CANX: variants seen among roughly 807,000 people sequenced by gnomAD.
CANX encodes epididymis secretory sperm binding protein.
In CANX, 14 loss-of-function variants were observed where a neutral mutation model predicts 75.7. The observed-to-expected ratio is 0.19, with a 90% CI of 0.12 to 0.29. The LOEUF (loss-of-function observed/expected upper bound fraction) is 0.29. CANX is among the 10% of genes least tolerant of loss of function. CANX has a pLI of 1.00. For missense variants in CANX, 567 were observed against 713.2 expected, an observed-to-expected ratio of 0.79 and a Z score of 2.34; for synonymous variants, 227 against 236.9, an observed-to-expected ratio of 0.96 and a Z score of 0.38.
At chr5:179,708,945 C>A in intron 5 of CANX, 33 bp from the exon 6 acceptor site, 2 of 1,070,830 alleles carry the variant, frequency 1.9e-6, no homozygotes, top group South Asian at 1.3e-5. Flanking sequence ...TTCAAAATGC[C>A]ATACAGTTTT....
At position 179,729,434 on chromosome 5, in the gene CANX, G is replaced by A. The variant is rs552400468; in HGVS notation, c.*790G>A. 1 of 153,164 alleles carries A rather than the reference G, an allele frequency of 6.5e-6. No homozygotes were observed. The highest frequency in any genetic ancestry group is 2.4e-5 in the African/African-American group (1 of 41,542). The allele number at this position is 153,164 out of a possible 1,614,324, so 9.5% of individuals were successfully genotyped here. A position where few individuals can be genotyped will look rare whatever the true frequency, so the allele number is the denominator to read the frequency against. On this transcript the variant is annotated 3_prime_UTR_variant, in exon 15 of 15. Coordinates refer to ENST00000247461, the MANE Select transcript of CANX (RefSeq NM_001746.4). Reference sequence around the variant, plus strand: ...CAGGCTGTGGCCTTCTGGAGCAGGTGGCTTGTTAAGGAATGCTAGCAGGGC... The same window carrying A: ...CAGGCTGTGGCCTTCTGGAGCAGGTAGCTTGTTAAGGAATGCTAGCAGGGC...
At chr5:179,688,269 G>C (rs1776227240) in intron 1 of CANX, among the ~76,000 whole-genome samples, 1 of 151,126 alleles carries the variant, frequency 6.6e-6, no homozygotes, top group African/African-American at 2.4e-5. Context: ...TGGCCAGGAT[G>C]GTCTTGATCT....
chr5:179,722,200 C>T (rs1778356513), intron 10 of CANX, among the ~76,000 whole-genome samples: 1 of 152,166 alleles, frequency 6.6e-6, no homozygotes, highest in Non-Finnish European at 1.5e-5. Context: ...TATGGTGGCA[C>T]ACACCTGTAG....
rs71591440 is a variant in CANX, at chr5:179,710,707, C to CAAA, written c.721+656_721+658dup. ...TAGGAGACAGAGCAAGACTCCATCT[C>CAAA]AAAAAAAAAAAAAAAAGATTGTATA... On this transcript the variant is annotated intron_variant, in intron 7 of 14. Coordinates refer to ENST00000247461, the MANE Select transcript of CANX (RefSeq NM_001746.4). Among the ~76,000 whole-genome samples, 29 of 27,374 alleles carry CAAA rather than the reference C, an allele frequency of 1.1e-3. 4 individuals carry two copies. Among genetic ancestry groups the CAAA allele is most frequent in the South Asian group, 8.1e-3 (4 of 492 alleles). 18.0% of individuals were successfully genotyped at this position (27,374 alleles called of 152,430 possible). A position where few individuals can be genotyped will look rare whatever the true frequency, so the allele number is the denominator to read the frequency against.
intron 7 of CANX, chr5:179,715,828 T>TG: frequency 2.2e-6 from 1 of 446,224 alleles, no homozygotes. Context: ...TTTTTTGTTT[T>TG]TTTTTTTTAG....
chr5:179,714,883 G>T (rs1692867973), intron 7 of CANX, among the ~76,000 whole-genome samples: 1 of 151,974 alleles, frequency 6.6e-6, no homozygotes, highest in East Asian at 1.9e-4. Context: ...TTGTGCCTTA[G>T]CCTCCCAAGT....
chr5:179,689,404 T>TTTTTTTG (rs1776259364), intron 1 of CANX, among the ~76,000 whole-genome samples: 1 of 147,816 alleles, frequency 6.8e-6, no homozygotes, highest in Non-Finnish European at 1.5e-5. Context: ...TTTTTTTTTT[T>TTTTTTTG]GAGACAGAGT....
chr5:179,698,995 G>T lies in CANX; in HGVS notation c.-111G>T. The T allele has an allele frequency of 8.9e-7, 1 of 1,122,854 alleles. No individual in the cohort carries two copies. The highest frequency in any genetic ancestry group is 1.1e-6 in the Non-Finnish European group (1 of 911,146). The allele number at this position is 1,122,854 out of a possible 1,614,324, so 69.6% of individuals were successfully genotyped here. A position where few individuals can be genotyped will look rare whatever the true frequency, so the allele number is the denominator to read the frequency against. ...GGTGGCCGAGGCCTCTTGGTTCTGC[G>T]GCACGTGACGGTCGGGCCGCCTCCG... On this transcript the variant is annotated 5_prime_UTR_variant, in exon 1 of 15. Coordinates refer to ENST00000247461, the MANE Select transcript of CANX (RefSeq NM_001746.4).
chr5:179,714,645 G>T (rs1777805641), intron 7 of CANX, among the ~76,000 whole-genome samples: 1 of 152,072 alleles, frequency 6.6e-6, no homozygotes, highest in Non-Finnish European at 1.5e-5. Flanking sequence ...AGCCTCCCGA[G>T]TAGCTGGGAC....
chr5:179,679,392 G>A (rs1205015910), intron 1 of CANX: 4 of 794,346 alleles, frequency 5.0e-6, no homozygotes, highest in Middle Eastern at 3.7e-4. Flanking sequence ...GCTGGCCACC[G>A]AGGAGCCCGT....
intron 1 of CANX, among the ~76,000 whole-genome samples, chr5:179,692,119 G>T (rs1776309013): frequency 6.6e-6 from 1 of 150,582 alleles, no homozygotes; most frequent in Admixed American, 6.7e-5. Flanking sequence ...CTGTTGCCCA[G>T]GCTGGAGTGC....
At chr5:179,678,942 A>G (rs1562424178) in intron 1 of CANX, 1 of 1,535,284 alleles carries the variant, frequency 6.5e-7, no homozygotes, top group East Asian at 2.4e-5. Context: ...AGGCGCATGC[A>G]CGGCGCGCCG....
rs1476763079 is a variant in CANX, at chr5:179,708,984, G to A, written c.453G>A (p.Glu151=). The A allele has an allele frequency of 1.5e-5, 23 of 1,561,360 alleles. No individual in the cohort carries two copies. The highest frequency in any genetic ancestry group is 1.8e-5 in the Non-Finnish European group (20 of 1,131,884). The change falls in exon 6 of 15, where the codon GAG becomes GAA. Residue 151 remains glutamate (E), a synonymous_variant. Coordinates refer to ENST00000247461, the MANE Select transcript of CANX (RefSeq NM_001746.4). The part of the protein sequence containing the change: ...FDTKPLIVQY[E]VNFQNGIECG... ...CTTTTCTCTCTGATATTAGGTATGAGGTTAATTTCCAAAATGGAATAGAAT... is the reference window on the plus strand; with the variant it reads ...CTTTTCTCTCTGATATTAGGTATGAAGTTAATTTCCAAAATGGAATAGAAT...
intron 1 of CANX, among the ~76,000 whole-genome samples, chr5:179,681,360 G>T (rs977197733): frequency 2.6e-5 from 4 of 152,172 alleles, no homozygotes; most frequent in Non-Finnish European, 5.9e-5. Flanking sequence ...GCGTGTCATG[G>T]GTCAGGTTCC....
intron 12 of CANX, 47 bp downstream of exon 12, chr5:179,723,826 G>A (rs184451018): frequency 3.3e-6 from 5 of 1,513,664 alleles, no homozygotes; most frequent in East Asian, 2.3e-5. Context: ...CATCACTCTA[G>A]TGATTATTAA....
At chr5:179,705,362 G>A (rs766521546) in intron 1 of CANX, among the ~76,000 whole-genome samples, 22 of 152,122 alleles carry the variant, frequency 1.4e-4, no homozygotes, top group Non-Finnish European at 3.2e-4. Flanking sequence ...CTGTTGTAAA[G>A]CACTTTACAA....
intron 7 of CANX, among the ~76,000 whole-genome samples, chr5:179,714,435 CATTGTGATATATATTTGTCAAT>C (rs1244541931): frequency 6.6e-6 from 1 of 152,168 alleles, no homozygotes; most frequent in Non-Finnish European, 1.5e-5. Flanking sequence ...TAAACATCAG[CATTGTGATATATATTTGTCAAT>C]ATGTGTATAT....
chr5:179,706,959 G>GTGA (rs1334986078), intron 3 of CANX, among the ~76,000 whole-genome samples, 173 bp from the exon 4 acceptor site: 3 of 152,148 alleles, frequency 2.0e-5, no homozygotes, highest in African/African-American at 7.2e-5. Context: ...ATATAGGTTT[G>GTGA]TGAGTTGAAG....
intron 7 of CANX, among the ~76,000 whole-genome samples, chr5:179,710,503 C>T (rs1290312948): frequency 3.4e-5 from 5 of 147,658 alleles, no homozygotes; most frequent in Admixed American, 1.4e-4. Flanking sequence ...GTCAGGAGAT[C>T]GAGACCATCC....
Sources: gnomAD v4.1 joint callset for allele counts (sites outside exome capture counted in the v4.1 genomes callset) on GRCh38, gnomAD v4.1.1 for gene constraint, MANE v1.5 for transcripts, NCBI Gene and HGNC (gene_info 2026-07-23, HGNC 2026-07-21) for gene names.